SORBS2: variants seen among roughly 807,000 people sequenced by gnomAD.
The protein encoded by SORBS2 is sorbin and SH3 domain-containing protein 2.
SORBS2 carries 46 observed loss-of-function variants against 97.7 expected under a neutral mutation model. The ratio of observed to expected loss-of-function variants is 0.47; its 90% CI spans 0.37 to 0.60. The LOEUF is 0.60. Ranked by LOEUF, SORBS2 falls within the 20% of genes least tolerant of loss-of-function variation. SORBS2 has a pLI of 0.00. For missense variants in SORBS2, 1,316 were observed against 1,282.3 expected (o/e 1.03, Z -0.40); for synonymous variants, 476 against 473.4 (o/e 1.01, Z -0.07).
chr4:185,935,861 T>TC (rs67866419), intron 1 of SORBS2, among the ~76,000 whole-genome samples: 88,565 of 151,930 alleles, frequency 0.58, 27,779 homozygotes, highest in East Asian at 0.72. Flanking sequence ...AGGTATGTTT[T>TC]CTTTTTCTTT....
intron 1 of SORBS2, among the ~76,000 whole-genome samples, chr4:185,868,489 C>G (rs1195054992): frequency 6.6e-6 from 1 of 151,978 alleles, no homozygotes; most frequent in Non-Finnish European, 1.5e-5. Flanking sequence ...CACCCCAGCT[C>G]CTAAAATTTC....
chr4:185,702,494 C>T (rs1288334163), intron 2 of SORBS2, among the ~76,000 whole-genome samples: 1 of 152,190 alleles, frequency 6.6e-6, no homozygotes, highest in Non-Finnish European at 1.5e-5. Context: ...TCAAACACCT[C>T]CCATTAAGCC....
At chr4:185,826,329 A>G (rs1048079894) in intron 1 of SORBS2, among the ~76,000 whole-genome samples, 1 of 152,164 alleles carries the variant, frequency 6.6e-6, no homozygotes, top group Non-Finnish European at 1.5e-5. Flanking sequence ...GCCTATGCTC[A>G]TCGACCACTA....
intron 1 of SORBS2, among the ~76,000 whole-genome samples, chr4:185,912,882 G>A (rs1202468599): frequency 1.3e-5 from 2 of 152,084 alleles, no homozygotes; most frequent in Admixed American, 6.6e-5. Context: ...TCACCTTCCC[G>A]TTTCGAATGT....
chr4:185,684,731 T>G lies in SORBS2; in HGVS notation c.-197-5909A>C. On this transcript the variant is annotated intron_variant, in intron 2 of 20. Transcript: ENST00000284776. This position sits in a 1 kb window ranked among gnomAD's most constrained non-coding sequence, Gnocchi z 4.2. ...GCTAGAAGCCATTCAAGTGCGACAT[T>G]GTGTGAGTTAGTGATATTATACCTG... 5 of 1,497,394 alleles carry G rather than the reference T, an allele frequency of 3.3e-6. No individual in the cohort carries two copies. The highest frequency in any genetic ancestry group is 4.6e-6 in the Non-Finnish European group (5 of 1,098,266). 92.8% of individuals were successfully genotyped at this position (1,497,394 alleles called of 1,614,324 possible). A position where few individuals can be genotyped will look rare whatever the true frequency, so the allele number is the denominator to read the frequency against.
At chr4:185,761,625 C>T (rs2098892880) in intron 2 of SORBS2, 1 of 152,134 alleles carries the variant, frequency 6.6e-6, no homozygotes, top group Admixed American at 6.5e-5. Context: ...ATATGTGAAT[C>T]AGAAAGGAAG....
At chr4:185,729,104 G>A (rs550383515) in intron 2 of SORBS2, among the ~76,000 whole-genome samples, 4 of 152,304 alleles carry the variant, frequency 2.6e-5, no homozygotes, top group Admixed American at 6.5e-5. Flanking sequence ...TATAAATGGC[G>A]GTTGTTCATC....
intron 1 of SORBS2, among the ~76,000 whole-genome samples, chr4:185,954,005 C>T (rs1411128731): frequency 2.6e-5 from 4 of 152,234 alleles, no homozygotes; most frequent in African/African-American, 4.8e-5. Context: ...GTTAACTCAT[C>T]TCTTGCTGTC....
chr4:185,860,910 T>C (rs1232586193), intron 1 of SORBS2, among the ~76,000 whole-genome samples: 1 of 152,164 alleles, frequency 6.6e-6, no homozygotes, highest in Admixed American at 6.5e-5. Context: ...AGGTGGTAAA[T>C]GTTCCTTATC....
intron 5 of SORBS2, 142 bp downstream of exon 17, chr4:185,630,407 A>T: frequency 2.2e-6 from 1 of 448,842 alleles, no homozygotes; most frequent in African/African-American, 2.0e-5. Context: ...CTGAAACAAA[A>T]TAAAACAACT....
intron 2 of SORBS2, among the ~76,000 whole-genome samples, chr4:185,695,621 T>A (rs1162443584): frequency 1.3e-5 from 2 of 152,240 alleles, no homozygotes; most frequent in African/African-American, 4.8e-5. Flanking sequence ...GGATCATTTG[T>A]AGCACTCTCT....
exon 5 of SORBS2, chr4:185,630,588 T>G: frequency 6.3e-7 from 1 of 1,599,324 alleles, no homozygotes; most frequent in Non-Finnish European, 8.5e-7. Context: ...AGAGGACTGA[T>G]ACAAGGAGGC....
intron 2 of SORBS2, among the ~76,000 whole-genome samples, chr4:185,768,368 GC>G (rs2098948791): frequency 6.6e-6 from 1 of 152,056 alleles, no homozygotes; most frequent in South Asian, 2.1e-4. Context: ...CATATCAAAG[GC>G]TTTGAATCTC....
intron 4 of SORBS2, among the ~76,000 whole-genome samples, chr4:185,637,644 C>T (rs1012266646): frequency 2.0e-5 from 3 of 152,116 alleles, no homozygotes; most frequent in Admixed American, 2.0e-4. Context: ...CATCAGGAGG[C>T]CTCGAGGAGA....
intron 2 of SORBS2, chr4:185,709,807 T>C (rs1366079749): frequency 6.6e-6 from 1 of 152,126 alleles, no homozygotes; most frequent in East Asian, 1.9e-4. Flanking sequence ...ATCTAGGCTG[T>C]CTTGCAACAT....
intron 2 of SORBS2, among the ~76,000 whole-genome samples, chr4:185,679,861 T>C (rs1385822776): frequency 6.6e-6 from 1 of 152,214 alleles, no homozygotes; most frequent in Non-Finnish European, 1.5e-5. Context: ...GAACTTAGAA[T>C]GATAAAAATG....
intron 1 of SORBS2, among the ~76,000 whole-genome samples, chr4:185,879,280 T>C (rs1356786821): frequency 1.3e-5 from 2 of 151,518 alleles, no homozygotes; most frequent in African/African-American, 4.9e-5. Context: ...TTTGGTTTTC[T>C]GTCCTTGCAA....
intron 4 of SORBS2, among the ~76,000 whole-genome samples, chr4:185,633,789 C>CT (rs5864946): frequency 0.26 from 39,222 of 148,768 alleles, 5,249 homozygotes; most frequent in African/African-American, 0.33. Context: ...TTGCACTCTA[C>CT]TTTTTTTTTT....
chr4:185,737,687 A>G (rs1391417514), intron 2 of SORBS2, among the ~76,000 whole-genome samples: 1 of 152,208 alleles, frequency 6.6e-6, no homozygotes. Context: ...TGGGCACCGC[A>G]GCGTGGTGGG....
Sources: allele counts gnomAD v4.1 joint callset (sites outside exome capture counted in the v4.1 genomes callset), GRCh38; gene constraint gnomAD v4.1.1; non-coding constraint Gnocchi (gnomAD v3.1); transcripts MANE v1.5; gene names NCBI Gene and HGNC (gene_info 2026-07-23, HGNC 2026-07-21).